SLC25A51: variants seen among roughly 807,000 people sequenced by gnomAD.
SLC25A51 encodes the protein mitochondrial nicotinamide adenine dinucleotide transporter SLC25A51.
A neutral mutation model predicts 19.1 loss-of-function variants in SLC25A51; 11 were observed. The ratio of observed to expected loss-of-function variants is 0.58; its 90% CI spans 0.36 to 0.96. SLC25A51 has a LOEUF of 0.96. SLC25A51 is among the 40% of genes least tolerant of loss of function. SLC25A51 has a pLI of 0.01. For missense variants in SLC25A51, 201 were observed against 365.4 expected (o/e 0.55, Z 3.67); for synonymous variants, 105 against 133.6 (o/e 0.79, Z 1.47).
chr9:37,894,895 G>A (rs1831679804), intron 2 of SLC25A51, among the ~76,000 whole-genome samples: 2 of 152,140 alleles, frequency 1.3e-5, no homozygotes, highest in African/African-American at 4.8e-5. Context: ...TCCTGAGTTA[G>A]TATGCTAAGA....
At chr9:37,887,085 G>A (rs1340195502), downstream of SLC25A51, among the ~76,000 whole-genome samples, 1 of 152,126 alleles carries the variant, frequency 6.6e-6, no homozygotes, top group Non-Finnish European at 1.5e-5. Flanking sequence ...GGGAGGCCGA[G>A]GCGGGTGGAT....
chr9:37,893,036 G>C (rs1831633598), intron 2 of SLC25A51, among the ~76,000 whole-genome samples: 1 of 151,656 alleles, frequency 6.6e-6, no homozygotes, highest in South Asian at 2.1e-4. Flanking sequence ...CACAGCGCCT[G>C]GCCCAATTTT....
chr9:37,883,618 C>G (rs1206172727), downstream of SLC25A51, among the ~76,000 whole-genome samples: 2 of 152,232 alleles, frequency 1.3e-5, no homozygotes, highest in African/African-American at 4.8e-5. Context: ...CAGGCTAACC[C>G]ACCTGCCCTG....
At chr9:37,887,248 C>G (rs1267438387), downstream of SLC25A51, among the ~76,000 whole-genome samples, 1 of 150,662 alleles carries the variant, frequency 6.6e-6, no homozygotes, top group East Asian at 2.0e-4. Flanking sequence ...ACCCTGGAGG[C>G]GGAGGTTGCA....
chr9:37,902,271 ACT>A (rs1197571424), intron 1 of SLC25A51, among the ~76,000 whole-genome samples: 1 of 152,206 alleles, frequency 6.6e-6, no homozygotes, highest in Non-Finnish European at 1.5e-5. Context: ...TTTATTTATG[ACT>A]CTGTGTGAGA....
intron 2 of SLC25A51, among the ~76,000 whole-genome samples, chr9:37,891,705 G>GACACAAAC (rs1227843189): frequency 6.6e-6 from 1 of 152,088 alleles, no homozygotes; most frequent in Non-Finnish European, 1.5e-5. Context: ...AGTTCCCAGC[G>GACACAAAC]ACACAAACAC....
Position 37,896,212 on chromosome 9 carries a change from C to T in SLC25A51, c.-43+3617G>A, listed in dbSNP as rs117081812. ...ATCACTGATGACTGAACTTTGTTTC[C>T]ATCAGTTGCAGCATAATCTAAATAC... On this transcript the variant is annotated intron_variant, in intron 2 of 2. Coordinates refer to ENST00000242275, the MANE Select transcript of SLC25A51 (RefSeq NM_033412.4). Among the ~76,000 whole-genome samples, 896 of 152,270 alleles carry T rather than the reference C, an allele frequency of 5.9e-3. 1 individual carries two copies. The highest frequency in any genetic ancestry group is 0.01 in the Non-Finnish European group (684 of 68,034).
rs1831806652 is a variant in SLC25A51 at position 37,899,913 on chromosome 9, G to A, written c.-127C>T. 6.5e-6 allele frequency: 1 copy of A among 153,066 alleles called. No individual in the cohort carries two copies. Among genetic ancestry groups the A allele is most frequent in the Non-Finnish European group, 1.5e-5 (1 of 66,588 alleles). The allele number at this position is 153,066 out of a possible 1,614,324, so 9.5% of individuals were successfully genotyped here. On this transcript the variant is annotated 5_prime_UTR_variant, in exon 2 of 3. Coordinates refer to ENST00000242275, the MANE Select transcript of SLC25A51 (RefSeq NM_033412.4). ...TCTTCCATTGTTATTGTTCTGTTAGGTTCTCTCTTCTTGAGTCAATTTTGA... is the reference window on the plus strand; with the variant it reads ...TCTTCCATTGTTATTGTTCTGTTAGATTCTCTCTTCTTGAGTCAATTTTGA...
At chr9:37,887,200 C>A (rs1481237680), downstream of SLC25A51, among the ~76,000 whole-genome samples, 3 of 151,878 alleles carry the variant, frequency 2.0e-5, no homozygotes, top group Admixed American at 2.0e-4. Context: ...GCCTGTAATC[C>A]CAGCTACTTA....
downstream of SLC25A51, among the ~76,000 whole-genome samples, chr9:37,884,021 T>C (rs1831398888): frequency 6.6e-6 from 1 of 152,220 alleles, no homozygotes. Flanking sequence ...GAACTTTCAG[T>C]AAACTACCAA....
At chr9:37,879,258 T>C (rs1831307492), downstream of SLC25A51, 1 of 261,260 alleles carries the variant, frequency 3.8e-6, no homozygotes, top group Non-Finnish European at 8.1e-6. Context: ...TTGGGAACAC[T>C]ACACATCCAG....
intron 2 of SLC25A51, among the ~76,000 whole-genome samples, chr9:37,882,016 T>C (rs889260992): frequency 6.6e-6 from 1 of 152,306 alleles, no homozygotes; most frequent in African/African-American, 2.4e-5. Context: ...AAAATAGCAT[T>C]GTGCACTTAA....
chr9:37,903,038 T>G (rs1831889361), intron 1 of SLC25A51, among the ~76,000 whole-genome samples: 1 of 152,232 alleles, frequency 6.6e-6, no homozygotes, highest in Non-Finnish European at 1.5e-5. Flanking sequence ...TAAAATCCAC[T>G]GATCTGAGTT....
intron 3 of SLC25A51, among the ~76,000 whole-genome samples, chr9:37,881,113 T>C (rs1195948463): frequency 6.6e-6 from 1 of 151,096 alleles, no homozygotes; most frequent in Non-Finnish European, 1.5e-5. Context: ...AAACTTAACA[T>C]GCAAATTCAC....
At chr9:37,887,591 AGGCC>A, downstream of SLC25A51, 10 of 1,399,974 alleles carry the variant, frequency 7.1e-6, no homozygotes, top group African/African-American at 2.9e-5. Flanking sequence ...AAAAAAAAAG[AGGCC>A]AAACTGCATT....
At chr9:37,885,342 T>TAA (rs60095173), downstream of SLC25A51, among the ~76,000 whole-genome samples, 4,786 of 99,082 alleles carry the variant, frequency 0.048, 263 homozygotes, top group Admixed American at 0.077. Context: ...TAGGTAATGA[T>TAA]AAAAAAAAAA....
chr9:37,901,329 G>A lies in SLC25A51; in HGVS notation c.-164-1379C>T, dbSNP rs972671325. Reference sequence around the variant, plus strand: ...GGATTACAGGCATGCCACAATACCCGGCTAATTTCTGTATTTTTAGTGGAG... The same window carrying A: ...GGATTACAGGCATGCCACAATACCCAGCTAATTTCTGTATTTTTAGTGGAG... On this transcript the variant is annotated intron_variant, in intron 1 of 2. Transcript: ENST00000242275. Among the ~76,000 whole-genome samples the A allele has an allele frequency of 9.2e-5, 14 of 151,394 alleles. No individual in the cohort carries two copies. In the East Asian group the frequency reaches 1.9e-3, roughly 21 times the overall value.
downstream of SLC25A51, chr9:37,878,472 C>A: frequency 5.0e-6 from 1 of 199,990 alleles, no homozygotes; most frequent in South Asian, 1.1e-4. Flanking sequence ...GAGTTTTGCC[C>A]ACCTAAAGTG....
downstream of SLC25A51, chr9:37,885,894 A>T: frequency 6.5e-7 from 1 of 1,532,738 alleles, no homozygotes; most frequent in Non-Finnish European, 9.0e-7. Flanking sequence ...CCCTCCCCAT[A>T]TATGGGCCCT....
Sources: allele counts gnomAD v4.1 joint callset (sites outside exome capture counted in the v4.1 genomes callset), GRCh38; gene constraint gnomAD v4.1.1; transcripts MANE v1.5; gene names NCBI Gene and HGNC (gene_info 2026-07-23, HGNC 2026-07-21).